The following ARHGAP26 variants were observed in gnomAD, a reference collection of about 807,000 sequenced individuals.
ARHGAP26 encodes Rho GTPase activating protein 26.
Under a neutral mutation model 104.8 loss-of-function variants are expected in ARHGAP26, and 38 were observed. That is an observed-to-expected ratio of 0.36 (90% CI 0.28 to 0.48). The LOEUF (loss-of-function observed/expected upper bound fraction) is 0.48. Among genes scored for constraint, ARHGAP26 ranks in the 20% least tolerant of loss-of-function variants. ARHGAP26 has a pLI of 0.99. For missense variants in ARHGAP26, 704 were observed against 947.9 expected, an observed-to-expected ratio of 0.74 and a Z score of 3.38; for synonymous variants, 341 against 340.0, an observed-to-expected ratio of 1.00 and a Z score of -0.03.
chr5:143,186,413 C>A (rs1562573968), intron 20 of ARHGAP26, among the ~76,000 whole-genome samples: 1 of 152,206 alleles, frequency 6.6e-6, no homozygotes, highest in African/African-American at 2.4e-5. Context: ...CCTAGGGACT[C>A]AGACTCCTCA....
chr5:142,985,793 G>T (rs1407700507), intron 11 of ARHGAP26, among the ~76,000 whole-genome samples: 1 of 151,878 alleles, frequency 6.6e-6, no homozygotes, highest in Non-Finnish European at 1.5e-5. Context: ...TGCTGAGAAT[G>T]ATTGTTTCCA....
Position 142,888,113 on chromosome 5 carries a change from C to G in ARHGAP26, c.486+2714C>G, listed in dbSNP as rs575810137. Among the ~76,000 whole-genome samples, 27 of 152,282 alleles carry G rather than the reference C, an allele frequency of 1.8e-4. No homozygotes were observed. In the East Asian group the frequency reaches 5.2e-3, roughly 29 times the overall value. The stretch of plus-strand genomic sequence containing the variant: ...TATGGCCTGGGTATGGTGTTAAGCA[C>G]TTTACATGGAATCTTCTGGAATCCT... On this transcript the variant is annotated intron_variant, in intron 5 of 22. Coordinates refer to ENST00000645722, the MANE Select transcript of ARHGAP26 (RefSeq NM_001135608.3).
chr5:142,961,948 T>C (rs1770326692), intron 11 of ARHGAP26, among the ~76,000 whole-genome samples: 1 of 152,242 alleles, frequency 6.6e-6, no homozygotes, highest in Admixed American at 6.5e-5. Context: ...CATTTCCTGG[T>C]AGAAATTACA....
At chr5:142,969,406 C>G (rs923765041) in intron 11 of ARHGAP26, 1 of 152,150 alleles carries the variant, frequency 6.6e-6, no homozygotes, top group Non-Finnish European at 1.5e-5. Context: ...TCCATCTGGC[C>G]AGGTATTTGC....
chr5:143,050,435 G>A (rs75642464), intron 14 of ARHGAP26, among the ~76,000 whole-genome samples: 60 of 152,084 alleles, frequency 3.9e-4, no homozygotes, highest in Middle Eastern at 3.4e-3. Flanking sequence ...TGTAAAGCAC[G>A]GAATTATAGT....
chr5:142,888,167 A>ACTCT (rs1201007497), intron 5 of ARHGAP26, among the ~76,000 whole-genome samples: 3 of 152,152 alleles, frequency 2.0e-5, no homozygotes, highest in African/African-American at 7.2e-5. Context: ...TGTGGTTACT[A>ACTCT]CTCTGTTTTA....
At chr5:143,145,177 A>G (rs1599221575) in intron 19 of ARHGAP26, among the ~76,000 whole-genome samples, 9 of 152,266 alleles carry the variant, frequency 5.9e-5, no homozygotes, top group Admixed American at 5.9e-4. Context: ...ATATACTTTT[A>G]GCAAGATATT....
At chr5:143,218,203 G>A (rs1319764290) in intron 22 of ARHGAP26, among the ~76,000 whole-genome samples, 1 of 152,174 alleles carries the variant, frequency 6.6e-6, no homozygotes, top group Admixed American at 6.5e-5. Flanking sequence ...AGAAATAGAT[G>A]CACACCACTG....
chr5:143,193,240 CTT>C (rs57462040), intron 20 of ARHGAP26, among the ~76,000 whole-genome samples: 41 of 74,578 alleles, frequency 5.5e-4, no homozygotes, highest in Middle Eastern at 0.012. Context: ...ATTTTCTTTT[CTT>C]TTTTTTTTTT....
At chr5:142,898,521 C>T (rs1759807318) in intron 6 of ARHGAP26, among the ~76,000 whole-genome samples, 1 of 152,150 alleles carries the variant, frequency 6.6e-6, no homozygotes, top group African/African-American at 2.4e-5. Context: ...CCATTGCAGG[C>T]CTTCATTCTT....
At chr5:143,131,874 A>G (rs1599154140) in intron 18 of ARHGAP26, among the ~76,000 whole-genome samples, 1 of 150,944 alleles carries the variant, frequency 6.6e-6, no homozygotes, top group Admixed American at 6.6e-5. Flanking sequence ...GATGGCCAAA[A>G]TAAACAGTAG....
intron 21 of ARHGAP26, among the ~76,000 whole-genome samples, chr5:143,208,483 T>C (rs1049461437): frequency 1.3e-5 from 2 of 152,240 alleles, no homozygotes; most frequent in African/African-American, 4.8e-5. Flanking sequence ...CAGATACATA[T>C]ATTACTTTAT....
chr5:143,074,943 A>G (rs1281395343), intron 17 of ARHGAP26, among the ~76,000 whole-genome samples: 2 of 152,182 alleles, frequency 1.3e-5, no homozygotes, highest in African/African-American at 2.4e-5. Context: ...CCACAGGTGA[A>G]CTACACTCCA....
At chr5:143,088,439 T>A (rs1301280439) in intron 17 of ARHGAP26, among the ~76,000 whole-genome samples, 1 of 151,828 alleles carries the variant, frequency 6.6e-6, no homozygotes, top group African/African-American at 2.4e-5. Flanking sequence ...GCCATGATGA[T>A]CATAAAACTC....
chr5:143,071,736 C>T (rs1788280546), intron 17 of ARHGAP26, among the ~76,000 whole-genome samples: 1 of 151,540 alleles, frequency 6.6e-6, no homozygotes, highest in African/African-American at 2.4e-5. Context: ...GGTGAAACCC[C>T]ATCTCTACTA....
chr5:143,191,697 G>A (rs945646887), intron 20 of ARHGAP26, among the ~76,000 whole-genome samples: 1 of 152,190 alleles, frequency 6.6e-6, no homozygotes, highest in Admixed American at 6.5e-5. Context: ...CTGAGTTTGG[G>A]CGCCACCACC....
chr5:142,929,094 C>T (rs1342853080), intron 10 of ARHGAP26, among the ~76,000 whole-genome samples: 1 of 152,130 alleles, frequency 6.6e-6, no homozygotes, highest in Non-Finnish European at 1.5e-5. Context: ...TGTGCTACCA[C>T]GCCCAGCTAA....
chr5:143,113,537 ATCTTACAGGGCTCAC>A (rs1282832038), intron 17 of ARHGAP26, among the ~76,000 whole-genome samples: 2 of 151,970 alleles, frequency 1.3e-5, no homozygotes, highest in Non-Finnish European at 2.9e-5. Flanking sequence ...TCCTCTCTCA[ATCTTACAGGGCTCAC>A]TCTTTCATTA....
chr5:142,839,377 T>A lies in ARHGAP26; in HGVS notation c.155-34023T>A, dbSNP rs550748830. 3.7e-4 allele frequency among the ~76,000 whole-genome samples: 57 copies of A among 152,072 alleles called. 1 individual carries two copies. Among genetic ancestry groups the A allele is most frequent in the Admixed American group, 2.3e-3 (35 of 15,288 alleles). On this transcript the variant is annotated intron_variant, in intron 1 of 22. Coordinates refer to ENST00000645722, the MANE Select transcript of ARHGAP26 (RefSeq NM_001135608.3). ...ACAATCCTTTGAAGGTTTTTTTTTT[T>A]ATTTCTTTTACAGATATAGGAAGCT...
Sources: allele counts gnomAD v4.1 joint callset (sites outside exome capture counted in the v4.1 genomes callset), GRCh38; gene constraint gnomAD v4.1.1; transcripts MANE v1.5; gene names NCBI Gene and HGNC (gene_info 2026-07-23, HGNC 2026-07-21).